NR2C1: variants seen among roughly 807,000 people sequenced by gnomAD.
NR2C1 encodes the protein TR2 nuclear hormone receptor.
In NR2C1, 33 loss-of-function variants were observed where a neutral mutation model predicts 74.8. The observed-to-expected ratio is 0.44, with a 90% CI of 0.33 to 0.59. The LOEUF (loss-of-function observed/expected upper bound fraction) is 0.59, where lower values mean the gene tolerates loss of function less well. Ranked by LOEUF, NR2C1 falls within the 20% of genes least tolerant of loss-of-function variation. The pLI is 0.02. For missense variants in NR2C1, 568 were observed against 715.6 expected (o/e 0.79, Z 2.35); for synonymous variants, 225 against 240.6 (o/e 0.94, Z 0.60).
At chr12:95,066,141 A>G (rs115294431) in intron 2 of NR2C1, among the ~76,000 whole-genome samples, 2,046 of 152,280 alleles carry the variant, frequency 0.013, 42 homozygotes, top group African/African-American at 0.046. Flanking sequence ...TTGCTTTAAT[A>G]TCTAGTTTAA....
chr12:95,051,809 G>A lies in NR2C1; in HGVS notation c.918C>T (p.Thr306=). Residue 306 remains threonine, a synonymous_variant, in exon 8 of 14, where the codon ACC becomes ACT. Transcript: ENST00000333003. ...SMIESLSNDD[T]SLCEFQEMQT... The stretch of plus-strand genomic sequence containing the variant: ...GCATTTCTTGAAATTCACACAAAGA[G>A]GTATCATCATTGCTTAAGCTTTCAA... The A allele has an allele frequency of 6.2e-7, 1 of 1,608,170 alleles. No homozygotes were observed. Among genetic ancestry groups the A allele is most frequent in the Non-Finnish European group, 8.5e-7 (1 of 1,178,714 alleles).
chr12:95,027,463 C>T (rs1331003251), intron 12 of NR2C1, among the ~76,000 whole-genome samples: 1 of 152,054 alleles, frequency 6.6e-6, no homozygotes, highest in Non-Finnish European at 1.5e-5. Flanking sequence ...TCAGGCCAGG[C>T]GGGTGGTTCA....
intron 10 of NR2C1, among the ~76,000 whole-genome samples, chr12:95,039,636 A>T (rs1871261170): frequency 6.6e-6 from 1 of 152,052 alleles, no homozygotes; most frequent in Non-Finnish European, 1.5e-5. Flanking sequence ...ATGTAGATAT[A>T]CTCTTTTTTA....
intron 13 of NR2C1, 83 bp from the exon 14 acceptor site, chr12:95,022,486 A>C: frequency 9.5e-7 from 1 of 1,053,948 alleles, no homozygotes; most frequent in Non-Finnish European, 1.4e-6. Flanking sequence ...TAATTTCTGC[A>C]TGTGGCCTAA....
At chr12:95,025,591 G>C (rs1331439555) in intron 12 of NR2C1, among the ~76,000 whole-genome samples, 1 of 147,782 alleles carries the variant, frequency 6.8e-6, no homozygotes, top group Non-Finnish European at 1.5e-5. Flanking sequence ...CTGGGAGGCA[G>C]AGGTTGCTGT....
chr12:95,022,041 T>A lies in NR2C1; in HGVS notation c.*188A>T, dbSNP rs1039496039. ...CATTTAAAGGAATCAGGAAGAAAAA[T>A]TCATTTAATTTCTGCTGCCTGCCCA... On this transcript the variant is annotated 3_prime_UTR_variant, in exon 14 of 14. Coordinates refer to ENST00000333003, the MANE Select transcript of NR2C1 (RefSeq NM_003297.4). The A allele has an allele frequency of 6.6e-6, 3 of 453,406 alleles. No individual in the cohort carries two copies. Among genetic ancestry groups the A allele is most frequent in the East Asian group, 3.7e-5 (1 of 27,342 alleles). 28.1% of individuals were successfully genotyped at this position (453,406 alleles called of 1,614,324 possible). A position where few individuals can be genotyped will look rare whatever the true frequency, so the allele number is the denominator to read the frequency against.
At chr12:95,071,231 A>C (rs964578731) in intron 1 of NR2C1, among the ~76,000 whole-genome samples, 3 of 152,112 alleles carry the variant, frequency 2.0e-5, no homozygotes, top group African/African-American at 7.2e-5. Context: ...TTTGATTCAA[A>C]TAGTTTTTTA....
At position 95,051,878 on chromosome 12, in the gene NR2C1, T is replaced by A; in HGVS notation, c.849A>T (p.Gly283=). Residue 283 remains glycine, a synonymous_variant, in exon 8 of 14, where the codon GGA becomes GGT. Coordinates refer to ENST00000333003, the MANE Select transcript of NR2C1 (RefSeq NM_003297.4). ...ANVVTSLANL[G]KTKDLSQNSN... ...TATTTTGAGAAAGATCTTTAGTTTT[T>A]CCAAGATTCGCTAATGATGTAACCA... The A allele has an allele frequency of 6.2e-7, 1 of 1,612,178 alleles. No individual in the cohort carries two copies. Among genetic ancestry groups the A allele is most frequent in the Non-Finnish European group, 8.5e-7 (1 of 1,179,532 alleles).
rs374170661 is a variant in NR2C1, at chr12:95,027,567, C to A, written c.1531+820G>T. ...GCATGGCCAACATAGTGAAACTTGT[C>A]TCTACTAAAAATACAAAAATGAACT... On this transcript the variant is annotated intron_variant, in intron 12 of 13. Transcript: ENST00000333003. 2.0e-5 allele frequency among the ~76,000 whole-genome samples: 3 copies of A among 152,104 alleles called. No homozygotes were observed. In the East Asian group the frequency reaches 5.8e-4, roughly 29 times the overall value.
At chr12:95,030,647 G>A (rs762627083) in intron 11 of NR2C1, 2 of 1,610,532 alleles carry the variant, frequency 1.2e-6, no homozygotes, top group Admixed American at 1.7e-5. Flanking sequence ...ACATAAGGAG[G>A]AAGCAAATGA....
Position 95,040,500 on chromosome 12 carries a change from G to A in NR2C1, c.1229C>T (p.Ser410Leu), listed in dbSNP as rs773398562. 3 of 1,613,560 alleles carry A rather than the reference G, an allele frequency of 1.9e-6. No homozygotes were observed. The highest frequency in any genetic ancestry group is 2.2e-5 in the East Asian group (1 of 44,848). The change falls in exon 10 of 14, where the codon TCG becomes TTG. Residue 410 changes from serine to leucine, a missense_variant. Physicochemically the swap from Ser to Leu is moderately radical, Grantham distance 145. Around this residue, in one of 6 missense-constraint regions of NR2C1, gnomAD observed 39 missense variants for 64.6 expected, o/e 0.60. Transcript: ENST00000333003. ...CCCTAGAGCCTGGAAAGAAGGAATC[G>A]AAAGTGCCCAGTGCATTGATAAGAA... ...LLFLSMHWAL[S>L]IPSFQALGQE...
intron 2 of NR2C1, among the ~76,000 whole-genome samples, chr12:95,066,564 C>G (rs1875737665): frequency 6.6e-6 from 1 of 152,148 alleles, no homozygotes; most frequent in African/African-American, 2.4e-5. Flanking sequence ...CAACAAGTGG[C>G]AGCTTTTCAA....
intron 12 of NR2C1, among the ~76,000 whole-genome samples, chr12:95,027,464 G>A (rs917847783): frequency 1.3e-5 from 2 of 152,004 alleles, no homozygotes; most frequent in African/African-American, 2.4e-5. Flanking sequence ...CAGGCCAGGC[G>A]GGTGGTTCAC....
intron 1 of NR2C1, among the ~76,000 whole-genome samples, 162 bp downstream of exon 1, chr12:95,073,218 G>C (rs1001299348): frequency 2.6e-5 from 4 of 152,202 alleles, no homozygotes; most frequent in Admixed American, 1.3e-4. Flanking sequence ...AGCCGAAGTC[G>C]AGCAGCCCCA....
chr12:95,057,474 T>C, intron 7 of NR2C1, 79 bp downstream of exon 7: 2 of 1,037,610 alleles, frequency 1.9e-6, no homozygotes, highest in Non-Finnish European at 2.8e-6. Flanking sequence ...ACAAAGCAAT[T>C]TACCAAAGCA....
chr12:95,048,093 A>C (rs998286400), intron 9 of NR2C1, among the ~76,000 whole-genome samples: 1 of 152,206 alleles, frequency 6.6e-6, no homozygotes, highest in Admixed American at 6.5e-5. Context: ...TTTATTATGT[A>C]ATTTTAATTT....
intron 12 of NR2C1, among the ~76,000 whole-genome samples, chr12:95,027,497 G>A (rs146452125): frequency 0.031 from 4,651 of 152,228 alleles, 133 homozygotes; most frequent in Middle Eastern, 0.095. Flanking sequence ...AGCACTTTGG[G>A]AGGCCGAGGC....
At chr12:95,033,697 T>C (rs1379946105) in intron 10 of NR2C1, among the ~76,000 whole-genome samples, 1 of 152,212 alleles carries the variant, frequency 6.6e-6, no homozygotes, top group Non-Finnish European at 1.5e-5. Context: ...AACATATTCA[T>C]TCCCCCTTCA....
At chr12:95,062,259 G>A (rs768834034) in intron 3 of NR2C1, among the ~76,000 whole-genome samples, 2 of 152,164 alleles carry the variant, frequency 1.3e-5, no homozygotes, top group Non-Finnish European at 2.9e-5. Context: ...ATTAAAGGCT[G>A]TTGTCCTGGC....
Sources: allele counts gnomAD v4.1 joint callset (sites outside exome capture counted in the v4.1 genomes callset), GRCh38; gene constraint gnomAD v4.1.1; regional missense constraint gnomAD v4.1.1; transcripts MANE v1.5; gene names NCBI Gene and HGNC (gene_info 2026-07-23, HGNC 2026-07-21).